Variants in DNAH3 observed in about 807,000 individuals in gnomAD.
The protein encoded by DNAH3 is axonemal beta dynein heavy chain 3.
A neutral mutation model predicts 432.5 loss-of-function variants in DNAH3; 332 were observed. The observed-to-expected ratio is 0.77, with a 90% confidence interval of 0.70 to 0.84. DNAH3 has a LOEUF of 0.84. Among genes scored for constraint, DNAH3 ranks in the 40% least tolerant of loss-of-function variants. DNAH3 has a pLI of 0.00. For synonymous variants in DNAH3, 1,956 were observed against 1,900.2 expected, an observed-to-expected ratio of 1.03 and a Z score of -0.76; for missense variants, 4,861 against 5,114.0, an observed-to-expected ratio of 0.95 and a Z score of 1.51.
chr16:20,977,995 C>T (rs1020622185), intron 50 of DNAH3, among the ~76,000 whole-genome samples: 1 of 152,186 alleles, frequency 6.6e-6, no homozygotes, highest in Non-Finnish European at 1.5e-5. Context: ...TGTGGGTTTG[C>T]TGTACACAGA....
At position 21,034,521 on chromosome 16, in the gene DNAH3, T is replaced by C. The variant is rs560006957; in HGVS notation, c.5086-436A>G. Among the ~76,000 whole-genome samples, 3 of 152,354 alleles carry C rather than the reference T, an allele frequency of 2.0e-5. No individual in the cohort carries two copies. The East Asian group carries it at 5.8e-4, about 29-fold the overall frequency. On this transcript the variant is annotated intron_variant, in intron 35 of 61. Coordinates refer to ENST00000261383, the Ensembl canonical transcript of DNAH3. ...TTTTCATGACACTATTGCCATTTATTTTTAAAGAGAAAAAGAAAATGGCGG... is the reference window on the plus strand; with the variant it reads ...TTTTCATGACACTATTGCCATTTATCTTTAAAGAGAAAAAGAAAATGGCGG...
intron 51 of DNAH3, among the ~76,000 whole-genome samples, chr16:20,971,678 A>G (rs2085348796): frequency 6.6e-6 from 1 of 152,094 alleles, no homozygotes; most frequent in East Asian, 1.9e-4. Flanking sequence ...ACCGCCTTAC[A>G]AACCTTGTGC....
chr16:21,075,231 A>T (rs1418455228), intron 21 of DNAH3, among the ~76,000 whole-genome samples: 1 of 152,070 alleles, frequency 6.6e-6, no homozygotes, highest in African/African-American at 2.4e-5. Flanking sequence ...TCTTGCTCTG[A>T]ATCAAAAGAC....
intron 29 of DNAH3, among the ~76,000 whole-genome samples, 156 bp downstream of exon 29, chr16:21,051,514 C>G (rs2089952968): frequency 6.6e-6 from 1 of 152,184 alleles, no homozygotes; most frequent in African/African-American, 2.4e-5. Context: ...GCCTGAAGAC[C>G]TAGTTTGCAT....
At position 21,081,734 on chromosome 16, in the gene DNAH3, A is replaced by C. The variant is rs1315353951; in HGVS notation, c.2878-7T>G. The C allele has an allele frequency of 6.2e-7, 1 of 1,612,440 alleles. No homozygotes were observed. Among genetic ancestry groups the C allele is most frequent in the African/African-American group, 1.3e-5 (1 of 74,898 alleles). On this transcript the variant is annotated splice_polypyrimidine_tract_variant and splice_region_variant and intron_variant, in intron 19 of 61. Coordinates refer to ENST00000261383, the Ensembl canonical transcript of DNAH3. ...AGCCAACAATCTCACTGATCTGCAAAGAAAAGAGGAAAGCAAATGTTTGTT... is the reference window on the plus strand; with the variant it reads ...AGCCAACAATCTCACTGATCTGCAACGAAAAGAGGAAAGCAAATGTTTGTT...
chr16:20,968,029 A>T (rs1490411487), intron 52 of DNAH3, among the ~76,000 whole-genome samples: 1 of 152,146 alleles, frequency 6.6e-6, no homozygotes, highest in Non-Finnish European at 1.5e-5. Context: ...AGGGAATGCT[A>T]AGCAATGGGA....
chr16:21,081,379 A>T (rs921279554), intron 20 of DNAH3, among the ~76,000 whole-genome samples: 63 of 112,158 alleles, frequency 5.6e-4, no homozygotes, highest in African/African-American at 2.0e-3. Flanking sequence ...TTCAAAGAAC[A>T]TTAAAAAAAA....
In DNAH3 at chr16:20,955,061, G is replaced by A; in HGVS notation, c.10827-4C>T. On this transcript the variant is annotated splice_polypyrimidine_tract_variant and splice_region_variant and intron_variant, in intron 54 of 61. Transcript: ENST00000261383. ...TGGATAGCTGGTTAGCCAGAGTCTG[G>A]AAGAACAATGGACCCAACGTTTTAG... 1 of 1,600,786 alleles carries A rather than the reference G, an allele frequency of 6.2e-7. No individual in the cohort carries two copies. Among genetic ancestry groups the A allele is most frequent in the Non-Finnish European group, 8.5e-7 (1 of 1,171,618 alleles).
chr16:21,140,887 T>C (rs1055702104), intron 4 of DNAH3, among the ~76,000 whole-genome samples, 177 bp from the exon 6 acceptor site: 1 of 152,164 alleles, frequency 6.6e-6, no homozygotes, highest in Non-Finnish European at 1.5e-5. Flanking sequence ...GAACACCTCA[T>C]AGGTATTTTA....
At position 21,072,023 on chromosome 16, in the gene DNAH3, T is replaced by G. The variant is rs567239260; in HGVS notation, c.3085-1197A>C. 2.0e-5 allele frequency among the ~76,000 whole-genome samples: 3 copies of G among 152,250 alleles called. No individual in the cohort carries two copies. In the East Asian group the frequency reaches 5.8e-4, roughly 29 times the overall value. Reference sequence around the variant, plus strand: ...TTATTTAAAAATAAAATACAGCTATTAGTTTTTCTTTCATTGTAGGTGTAT... The same window carrying G: ...TTATTTAAAAATAAAATACAGCTATGAGTTTTTCTTTCATTGTAGGTGTAT... On this transcript the variant is annotated intron_variant, in intron 21 of 61. Transcript: ENST00000261383.
exon 48 of DNAH3, chr16:20,985,154 T>G (rs184971768): frequency 6.2e-7 from 1 of 1,614,100 alleles, no homozygotes; most frequent in Non-Finnish European, 8.5e-7. Flanking sequence ...GCAGTCTGCA[T>G]CTTCTCCACG....
intron 42 of DNAH3, 80 bp downstream of exon 42, chr16:21,003,024 G>T: frequency 1.0e-6 from 1 of 958,314 alleles, no homozygotes; most frequent in Non-Finnish European, 1.7e-6. Flanking sequence ...TCCTCGCAAA[G>T]ACTGTTAATT....
intron 41 of DNAH3, among the ~76,000 whole-genome samples, chr16:21,013,117 G>C (rs1292959553): frequency 6.6e-6 from 1 of 151,984 alleles, no homozygotes; most frequent in East Asian, 1.9e-4. Flanking sequence ...GGAAACTAAA[G>C]AGAGCAATTA....
At chr16:20,952,341 A>G in intron 56 of DNAH3, 92 bp downstream of exon 56, 1 of 763,190 alleles carries the variant, frequency 1.3e-6, no homozygotes, top group Non-Finnish European at 2.4e-6. Context: ...GGAGGGAGGG[A>G]GTACATAAGT....
chr16:21,003,599 C>T (rs2087135638), intron 41 of DNAH3, among the ~76,000 whole-genome samples: 1 of 151,858 alleles, frequency 6.6e-6, no homozygotes, highest in East Asian at 1.9e-4. Context: ...AGGGTGAAAC[C>T]CCATCTCTAC....
chr16:21,052,422 G>A (rs1018977812), intron 28 of DNAH3, among the ~76,000 whole-genome samples: 4 of 152,228 alleles, frequency 2.6e-5, no homozygotes, highest in African/African-American at 9.6e-5. Flanking sequence ...CTCTCAGACA[G>A]CACGGCAGAG....
At chr16:21,145,925 G>A (rs1236613732) in intron 2 of DNAH3, 59 bp downstream of exon 3, 8 of 1,064,900 alleles carry the variant, frequency 7.5e-6, no homozygotes, top group Non-Finnish European at 1.0e-5. Context: ...GGAGAGAAGT[G>A]GGGGATGCAC....
At chr16:20,945,156 C>T (rs2083987378) in intron 57 of DNAH3, among the ~76,000 whole-genome samples, 1 of 152,162 alleles carries the variant, frequency 6.6e-6, no homozygotes, top group South Asian at 2.1e-4. Context: ...GGTAAAGAAG[C>T]CAGTCAAATA....
intron 23 of DNAH3, among the ~76,000 whole-genome samples, chr16:21,069,187 C>A (rs1214478897): frequency 6.6e-6 from 1 of 152,144 alleles, no homozygotes; most frequent in Non-Finnish European, 1.5e-5. Flanking sequence ...TCAAGTGATA[C>A]CCCCGCCTTG....
Sources: gnomAD v4.1 joint callset for allele counts (sites outside exome capture counted in the v4.1 genomes callset) on GRCh38, gnomAD v4.1.1 for gene constraint, MANE v1.5 for transcripts, NCBI Gene and HGNC (gene_info 2026-07-23, HGNC 2026-07-21) for gene names.